PHLDB2: variants seen among roughly 807,000 people sequenced by gnomAD.
PHLDB2 encodes pleckstrin homology-like domain family B member 2.
PHLDB2 carries 71 observed loss-of-function variants against 123.6 expected under a neutral mutation model. The ratio of observed to expected loss-of-function variants is 0.57; its 90% CI spans 0.47 to 0.70. PHLDB2 has a LOEUF of 0.70. Among genes scored for constraint, PHLDB2 ranks in the 30% least tolerant of loss-of-function variants. PHLDB2 has a pLI of 0.00. For synonymous variants in PHLDB2, 547 were observed against 541.6 expected (o/e 1.01, Z -0.14); for missense variants, 1,446 against 1,519.5 (o/e 0.95, Z 0.80).
chr3:111,893,794 A>G (rs2066636336), intron 2 of PHLDB2, among the ~76,000 whole-genome samples: 1 of 149,726 alleles, frequency 6.7e-6, no homozygotes, highest in South Asian at 2.1e-4. Flanking sequence ...TAGGTATAAT[A>G]TATTTGACAG....
At chr3:111,752,246 G>A (rs199700378) in intron 1 of PHLDB2, among the ~76,000 whole-genome samples, 2 of 143,484 alleles carry the variant, frequency 1.4e-5, no homozygotes, top group Non-Finnish European at 3.0e-5. Flanking sequence ...GTGTGTCTGT[G>A]TCTGTGTGTG....
intron 1 of PHLDB2, among the ~76,000 whole-genome samples, chr3:111,786,891 C>T (rs2060700245): frequency 6.6e-6 from 1 of 152,138 alleles, no homozygotes; most frequent in African/African-American, 2.4e-5. Context: ...TTTTAATAAA[C>T]TCTGGCTGTC....
At chr3:111,799,146 T>A (rs1031039222) in intron 1 of PHLDB2, among the ~76,000 whole-genome samples, 1 of 152,214 alleles carries the variant, frequency 6.6e-6, no homozygotes, top group Non-Finnish European at 1.5e-5. Flanking sequence ...ACCCCCGTGA[T>A]TCCATTACTT....
At chr3:111,870,268 G>T (rs996485597) in intron 1 of PHLDB2, among the ~76,000 whole-genome samples, 1 of 152,096 alleles carries the variant, frequency 6.6e-6, no homozygotes, top group Non-Finnish European at 1.5e-5. Context: ...TTAGAGGGGG[G>T]TGTTTGCAGA....
chr3:111,844,180 A>C (rs73226368), intron 1 of PHLDB2, among the ~76,000 whole-genome samples: 15,456 of 152,064 alleles, frequency 0.1, 1,023 homozygotes, highest in South Asian at 0.17. Flanking sequence ...TGTTTCCTAG[A>C]TCTTTAACAT....
chr3:111,951,596 T>C (rs2070722728), intron 10 of PHLDB2, among the ~76,000 whole-genome samples: 1 of 152,148 alleles, frequency 6.6e-6, no homozygotes, highest in South Asian at 2.1e-4. Context: ...CTTTACTATA[T>C]ATATTTATGT....
In PHLDB2 at chr3:111,896,172, C is replaced by T. The variant is rs531390078; in HGVS notation, c.1335+10760C>T. ...TTTGCCATGTTGGCCAGGTTGTTCT[C>T]GAACTCCTGGCCTCAAGTGATTTGC... On this transcript the variant is annotated intron_variant, in intron 2 of 17. Coordinates refer to ENST00000431670, the MANE Select transcript of PHLDB2 (RefSeq NM_001134438.2). 7.2e-5 allele frequency among the ~76,000 whole-genome samples: 11 copies of T among 152,072 alleles called. No homozygotes were observed. The South Asian group carries it at 1.9e-3, about 26-fold the overall frequency.
At chr3:111,862,923 C>A (rs1056783431) in intron 1 of PHLDB2, among the ~76,000 whole-genome samples, 1 of 152,058 alleles carries the variant, frequency 6.6e-6, no homozygotes, top group African/African-American at 2.4e-5. Context: ...AGGTCTCAAG[C>A]GAGCTAAGGG....
intron 1 of PHLDB2, among the ~76,000 whole-genome samples, chr3:111,739,535 G>A (rs2059562616): frequency 6.8e-6 from 1 of 146,990 alleles, no homozygotes; most frequent in Non-Finnish European, 1.5e-5. Flanking sequence ...TAAACAAAAG[G>A]CAGAGAGTGA....
intron 1 of PHLDB2, among the ~76,000 whole-genome samples, chr3:111,842,377 C>A (rs1220237459): frequency 1.3e-5 from 2 of 152,178 alleles, no homozygotes; most frequent in Non-Finnish European, 2.9e-5. Flanking sequence ...ACATCCCCGC[C>A]AGGGTGGTAT....
chr3:111,795,512 GGAGC>G (rs1464381746), intron 1 of PHLDB2, among the ~76,000 whole-genome samples: 3 of 152,086 alleles, frequency 2.0e-5, no homozygotes, highest in Admixed American at 2.0e-4. Flanking sequence ...GAGTCACATG[GGAGC>G]AGAACTAGGT....
At chr3:111,936,075 C>A (rs970273727) in intron 6 of PHLDB2, among the ~76,000 whole-genome samples, 1 of 152,340 alleles carries the variant, frequency 6.6e-6, no homozygotes, top group Non-Finnish European at 1.5e-5. Flanking sequence ...GCTGTTATTA[C>A]TGCAATTTCT....
rs185187182 is a variant in PHLDB2, at chr3:111,757,433, T to C, written c.-49+24730T>C. On this transcript the variant is annotated intron_variant, in intron 1 of 17. Transcript: ENST00000393923. ...GAGCTTTCAGCTCCATCAGCTCCTT[T>C]AAGCACTTCTCTGTATTGGTTATTC... 5.9e-3 allele frequency among the ~76,000 whole-genome samples: 902 copies of C among 152,350 alleles called. 7 individuals are homozygous for C. The highest frequency in any genetic ancestry group is 9.8e-3 in the Non-Finnish European group (664 of 68,040).
intron 5 of PHLDB2, among the ~76,000 whole-genome samples, 189 bp from the exon 6 acceptor site, chr3:111,932,080 C>A (rs2069179187): frequency 6.6e-6 from 1 of 152,136 alleles, no homozygotes; most frequent in Non-Finnish European, 1.5e-5. Context: ...AATGCAGAAA[C>A]CCAGTCCCTT....
chr3:111,815,349 A>G (rs2062027050), intron 1 of PHLDB2, among the ~76,000 whole-genome samples: 5 of 152,218 alleles, frequency 3.3e-5, no homozygotes, highest in African/African-American at 1.2e-4. Context: ...TGGAGGGCTC[A>G]GAATAAGACA....
chr3:111,880,596 T>G (rs1293040557), intron 1 of PHLDB2, among the ~76,000 whole-genome samples: 1 of 152,144 alleles, frequency 6.6e-6, no homozygotes, highest in Non-Finnish European at 1.5e-5. Context: ...CATGACTGCA[T>G]ATGCACAAAG....
intron 2 of PHLDB2, chr3:111,911,867 T>G: frequency 1.4e-6 from 1 of 720,498 alleles, no homozygotes; most frequent in Non-Finnish European, 2.3e-6. Context: ...GTAATGTATT[T>G]AATGGAACCT....
At chr3:111,859,077 G>A (rs17490485), upstream of PHLDB2, 42,624 of 711,090 alleles carry the variant, frequency 0.06, 1,505 homozygotes, top group Non-Finnish European at 0.067. Flanking sequence ...CGTTCTCCAA[G>A]GATTTTGCAA....
intron 2 of PHLDB2, among the ~76,000 whole-genome samples, chr3:111,898,508 A>G (rs1008149488): frequency 6.6e-6 from 1 of 152,072 alleles, no homozygotes; most frequent in African/African-American, 2.4e-5. Flanking sequence ...TAAGATAACA[A>G]TGAAGTTTGT....
Sources: allele counts gnomAD v4.1 joint callset (sites outside exome capture counted in the v4.1 genomes callset), GRCh38; gene constraint gnomAD v4.1.1; transcripts MANE v1.5; gene names NCBI Gene and HGNC (gene_info 2026-07-23, HGNC 2026-07-21).